SCN11A: variants seen among roughly 807,000 people sequenced by gnomAD.
SCN11A encodes the protein sodium voltage-gated channel alpha subunit 11.
A neutral mutation model predicts 162.2 loss-of-function variants in SCN11A; 122 were observed. That is an observed-to-expected ratio of 0.75 (90% CI 0.65 to 0.87). The LOEUF (loss-of-function observed/expected upper bound fraction) is 0.87. Among genes scored for constraint, SCN11A ranks in the 40% least tolerant of loss-of-function variants. The pLI, the probability that SCN11A is intolerant of heterozygous loss-of-function variation, is 0.00. For synonymous variants in SCN11A, 758 were observed against 751.5 expected (o/e 1.01, Z -0.14); for missense variants, 2,015 against 2,181.6 (o/e 0.92, Z 1.52).
intron 2 of SCN11A, among the ~76,000 whole-genome samples, chr3:39,015,676 C>CA (rs2031271595): frequency 1.3e-5 from 2 of 152,200 alleles, no homozygotes; most frequent in African/African-American, 4.8e-5. Context: ...CTCATAGAGA[C>CA]AGTGACTACA....
Position 38,850,560 on chromosome 3 carries a change from T to G in SCN11A, c.4248A>C (p.Lys1416Asn). Residue 1416 changes from lysine (K) to asparagine (N), a missense_variant, in exon 29 of 30, where the codon AAA (lysine) becomes AAC (asparagine). By Grantham distance (94) the Lys-to-Asn change is moderately conservative. Transcript: ENST00000302328. ...AGTAGTATTGCCTCAAAGCAAAGAT[T>G]TTGATGAGACATTCTAACGTAAAGA... is the stretch of plus-strand genomic sequence containing the variant. The part of the protein sequence containing the change: ...VVIFTLECLI[K>N]IFALRQYYFT... The G allele has an allele frequency of 6.2e-7, 1 of 1,613,940 alleles. No homozygotes were observed. Among genetic ancestry groups the G allele is most frequent in the South Asian group, 1.1e-5 (1 of 91,074 alleles).
chr3:38,945,473 G>A lies in SCN11A; in HGVS notation c.426C>T (p.Asn142=). ...SMFIIGTVII[N]CVFMATGPAK... is the part of the protein sequence containing the mutation. ...CAGGCCCTGTAGCCATGAACACGCAGTTGATGATAACGGTGCCGATAATGA... is the reference window on the plus strand; with the variant it reads ...CAGGCCCTGTAGCCATGAACACGCAATTGATGATAACGGTGCCGATAATGA... Residue 142 remains asparagine (N), a synonymous_variant, in exon 7 of 30, where the codon AAC becomes AAT. Transcript: ENST00000302328. 1 of 1,595,542 alleles carries A rather than the reference G, an allele frequency of 6.3e-7. No individual in the cohort carries two copies. The highest frequency in any genetic ancestry group is 8.6e-7 in the Non-Finnish European group (1 of 1,166,982).
intron 2 of SCN11A, among the ~76,000 whole-genome samples, chr3:39,018,911 T>C (rs571766166): frequency 3.3e-4 from 51 of 152,352 alleles, no homozygotes; most frequent in African/African-American, 1.2e-3. Flanking sequence ...GGGGGAGATC[T>C]GATCTAGCCA....
intron 4 of SCN11A, among the ~76,000 whole-genome samples, chr3:38,952,899 A>G (rs928868128): frequency 3.3e-5 from 5 of 152,212 alleles, no homozygotes; most frequent in Non-Finnish European, 5.9e-5. Context: ...AATGGCCAAT[A>G]GGGCTTTACT....
chr3:39,019,407 C>T (rs958982896), intron 2 of SCN11A, among the ~76,000 whole-genome samples: 5 of 152,128 alleles, frequency 3.3e-5, no homozygotes, highest in Admixed American at 2.0e-4. Flanking sequence ...TGAAAAACCC[C>T]TAACCTCTGA....
Position 38,994,496 on chromosome 3 carries a change from A to G in SCN11A, c.-279-34073T>C, listed in dbSNP as rs78748934. Among the ~76,000 whole-genome samples the G allele has an allele frequency of 7.2e-3, 1,097 of 152,336 alleles. 8 individuals carry two copies. Among genetic ancestry groups the G allele is most frequent in the Non-Finnish European group, 0.013 (858 of 68,036 alleles). On this transcript the variant is annotated intron_variant, in intron 2 of 29. Coordinates refer to ENST00000302328, the MANE Select transcript of SCN11A (RefSeq NM_001349253.2). ...TAAGAGGCCACAAGCTGGAAAAGAG[A>G]AAGAGGATCTCTTTGGAGAGAACTG...
At chr3:38,933,341 C>T (rs1249351661) in intron 7 of SCN11A, among the ~76,000 whole-genome samples, 21 of 152,262 alleles carry the variant, frequency 1.4e-4, no homozygotes, top group Admixed American at 6.5e-4. Flanking sequence ...AGGAACGCAG[C>T]TCCTCACCAG....
intron 7 of SCN11A, among the ~76,000 whole-genome samples, chr3:38,930,717 A>T (rs983965137): frequency 6.6e-6 from 1 of 152,182 alleles, no homozygotes; most frequent in Admixed American, 6.5e-5. Flanking sequence ...ATGACATCTG[A>T]TGTGGAGTAA....
chr3:38,929,998 T>A (rs1254927526), intron 7 of SCN11A, among the ~76,000 whole-genome samples: 1 of 152,186 alleles, frequency 6.6e-6, no homozygotes, highest in Non-Finnish European at 1.5e-5. Context: ...TAAAATTGAC[T>A]AAGATAATTC....
chr3:38,906,300 C>T (rs2065791123), intron 14 of SCN11A, among the ~76,000 whole-genome samples: 1 of 152,162 alleles, frequency 6.6e-6, no homozygotes, highest in Admixed American at 6.5e-5. Flanking sequence ...TATGTCTGAA[C>T]ATCCCCCTCC....
At chr3:38,911,024 T>C (rs1269094786) in intron 11 of SCN11A, among the ~76,000 whole-genome samples, 1 of 152,208 alleles carries the variant, frequency 6.6e-6, no homozygotes, top group Non-Finnish European at 1.5e-5. Flanking sequence ...AACTGTCATT[T>C]ATACACCCCA....
chr3:38,978,243 C>T (rs770846181), intron 2 of SCN11A, among the ~76,000 whole-genome samples: 4 of 152,156 alleles, frequency 2.6e-5, no homozygotes, highest in Middle Eastern at 3.2e-3. Flanking sequence ...CCACTTCTAC[C>T]GAACACCTGT....
chr3:38,937,210 CA>C (rs1254347245), intron 7 of SCN11A, among the ~76,000 whole-genome samples: 3 of 151,658 alleles, frequency 2.0e-5, no homozygotes, highest in Non-Finnish European at 4.4e-5. Flanking sequence ...ACACCTTATA[CA>C]AAAATTAATT....
chr3:38,894,723 G>C lies in SCN11A; in HGVS notation c.2645C>G (p.Pro882Arg). ...GCCCCTTTTCATCTCCATGACCAGG[G>C]GAATGATGTCTTTGCTTTGTGCAGC... Reference protein sequence around the residue: ...GCAAQSKDIIPLVMEMKRGSE... With the variant: ...GCAAQSKDIIRLVMEMKRGSE... Residue 882 changes from proline (P) to arginine (R), a missense_variant, in exon 19 of 30, where the codon CCC (proline) becomes CGC (arginine). Coordinates refer to ENST00000302328, the MANE Select transcript of SCN11A (RefSeq NM_001349253.2). The C allele has an allele frequency of 6.2e-7, 1 of 1,614,134 alleles. No homozygotes were observed. The highest frequency in any genetic ancestry group is 1.3e-5 in the African/African-American group (1 of 75,032).
In SCN11A at chr3:38,897,058, T is replaced by C. The variant is rs2065613768; in HGVS notation, c.2190A>G (p.Gln730=). ...MQLFGRSFNS[Q]KSPKLCNPTG... is the part of the protein sequence containing the mutation. ...TCGGGTTACAGAGTTTTGGACTCTT[T>C]TGGGAATTGAAGCTACGGCCAAAAA... The change falls in exon 18 of 30, where the codon CAA becomes CAG. Residue 730 remains glutamine, a synonymous_variant. Coordinates refer to ENST00000302328, the MANE Select transcript of SCN11A (RefSeq NM_001349253.2). The C allele has an allele frequency of 1.2e-6, 2 of 1,614,090 alleles. No individual in the cohort carries two copies. Among genetic ancestry groups the C allele is most frequent in the Non-Finnish European group, 1.7e-6 (2 of 1,179,996 alleles).
chr3:38,934,516 T>C (rs1314283051), intron 7 of SCN11A, among the ~76,000 whole-genome samples: 2 of 151,846 alleles, frequency 1.3e-5, no homozygotes, highest in Admixed American at 6.6e-5. Context: ...AGGCTCAAAA[T>C]AAAAGGATGG....
intron 1 of SCN11A, among the ~76,000 whole-genome samples, chr3:39,041,268 G>C (rs1027471442): frequency 1.1e-4 from 16 of 151,958 alleles, no homozygotes; most frequent in African/African-American, 3.4e-4. Context: ...AGATGAAAAA[G>C]GAATAGAAAA....
Position 38,894,999 on chromosome 3 carries a change from G to T in SCN11A, c.2404-35C>A, listed in dbSNP as rs745990383. ...GGGTGGGTAGCAAGAAGAAAGGAAAGTTTAGCAAAGGAAAAGATATAGTGG... is the reference window on the plus strand; with the variant it reads ...GGGTGGGTAGCAAGAAGAAAGGAAATTTTAGCAAAGGAAAAGATATAGTGG... On this transcript the variant is annotated intron_variant, in intron 18 of 29. Transcript: ENST00000302328. 9 of 1,543,760 alleles carry T rather than the reference G, an allele frequency of 5.8e-6. No individual in the cohort carries two copies. In the African/African-American group the frequency reaches 1.2e-4, roughly 21 times the overall value.
chr3:39,044,585 A>G (rs1478685892), intron 1 of SCN11A, among the ~76,000 whole-genome samples: 3 of 152,222 alleles, frequency 2.0e-5, no homozygotes, highest in Non-Finnish European at 4.4e-5. Context: ...ATGTCAATGA[A>G]GAAATTAAGA....
Sources: allele counts gnomAD v4.1 joint callset (sites outside exome capture counted in the v4.1 genomes callset), GRCh38; gene constraint gnomAD v4.1.1; transcripts MANE v1.5; gene names NCBI Gene and HGNC (gene_info 2026-07-23, HGNC 2026-07-21).